Variants in SLC39A11 observed in about 807,000 individuals in gnomAD.
SLC39A11 encodes solute carrier family 39 member 11.
In SLC39A11, 33 loss-of-function variants were observed where a neutral mutation model predicts 36.1. The observed-to-expected ratio is 0.91, with a 90% CI of 0.69 to 1.22. SLC39A11 has a LOEUF of 1.22. SLC39A11 is among the 50% of genes most tolerant of loss of function. The pLI, the probability that SLC39A11 is intolerant of heterozygous loss-of-function variation, is 0.00. For missense variants in SLC39A11, 432 were observed against 430.3 expected (o/e 1.00, Z -0.03); for synonymous variants, 166 against 170.3 (o/e 0.97, Z 0.20).
rs1014073539 is a variant in SLC39A11 at position 72,678,344 on chromosome 17, G to C, written c.672-29076C>G. ...TACCTTCCCTGTGAACAGCGAGAAG[G>C]AGGGTACTAAAGAAATGTGTAAGAG... On this transcript the variant is annotated intron_variant, in intron 7 of 9. Coordinates refer to ENST00000255559, the MANE Select transcript of SLC39A11 (RefSeq NM_139177.4). 2.6e-5 allele frequency among the ~76,000 whole-genome samples: 4 copies of C among 152,172 alleles called. No individual in the cohort carries two copies. In the East Asian group the frequency reaches 7.7e-4, roughly 29 times the overall value.
At chr17:72,822,497 G>A (rs572389860) in intron 6 of SLC39A11, among the ~76,000 whole-genome samples, 4 of 150,894 alleles carry the variant, frequency 2.7e-5, no homozygotes, top group African/African-American at 9.7e-5. Flanking sequence ...GGTCTGGAGG[G>A]CCTATGCCCT....
chr17:72,909,828 C>T (rs908846628), intron 5 of SLC39A11, among the ~76,000 whole-genome samples: 7 of 151,494 alleles, frequency 4.6e-5, no homozygotes, highest in Admixed American at 4.6e-4. Flanking sequence ...TCACTGCAAC[C>T]TCCGCTTCCC....
At chr17:72,928,956 G>A (rs1407888926) in intron 5 of SLC39A11, among the ~76,000 whole-genome samples, 1 of 152,226 alleles carries the variant, frequency 6.6e-6, no homozygotes, top group African/African-American at 2.4e-5. Context: ...TTAAATGCCT[G>A]TGAACCCGCA....
intron 5 of SLC39A11, among the ~76,000 whole-genome samples, chr17:72,892,105 T>C (rs2081778831): frequency 6.6e-6 from 1 of 152,164 alleles, no homozygotes. Flanking sequence ...ACATTAATAA[T>C]TTCTTGTCTA....
At chr17:72,800,826 C>G (rs1328757603) in intron 6 of SLC39A11, among the ~76,000 whole-genome samples, 1 of 152,068 alleles carries the variant, frequency 6.6e-6, no homozygotes, top group Admixed American at 6.6e-5. Flanking sequence ...TGCTCCAAGT[C>G]AGTTCTATTA....
intron 7 of SLC39A11, among the ~76,000 whole-genome samples, chr17:72,734,635 C>T (rs1333293262): frequency 6.6e-6 from 1 of 152,232 alleles, no homozygotes; most frequent in Admixed American, 6.5e-5. Context: ...GCTCCACTTT[C>T]TTCCAAAATA....
chr17:73,055,648 G>C (rs1437322021), intron 3 of SLC39A11, among the ~76,000 whole-genome samples: 1 of 151,922 alleles, frequency 6.6e-6, no homozygotes, highest in African/African-American at 2.4e-5. Context: ...GAGGGGCAGG[G>C]GTGGAGGGGA....
At chr17:73,049,397 C>T (rs138864069) in intron 3 of SLC39A11, among the ~76,000 whole-genome samples, 216 of 151,706 alleles carry the variant, frequency 1.4e-3, no homozygotes, top group African/African-American at 4.9e-3. Flanking sequence ...AGCAGCTGGG[C>T]GGACGCGCCT....
intron 4 of SLC39A11, 139 bp downstream of exon 4, chr17:73,031,417 A>C: frequency 1.1e-6 from 1 of 886,506 alleles, no homozygotes; most frequent in Non-Finnish European, 1.7e-6. Flanking sequence ...CAGTTCCTCT[A>C]ATGCCTTGTT....
At chr17:72,935,377 G>A (rs2084679249) in intron 5 of SLC39A11, among the ~76,000 whole-genome samples, 1 of 152,134 alleles carries the variant, frequency 6.6e-6, no homozygotes, top group Non-Finnish European at 1.5e-5. Context: ...GGGAAACAGG[G>A]ATAGGTTGAG....
chr17:72,917,211 T>A (rs945557544), intron 5 of SLC39A11, among the ~76,000 whole-genome samples: 14 of 152,194 alleles, frequency 9.2e-5, no homozygotes, highest in African/African-American at 3.4e-4. Context: ...TAACACACAC[T>A]CTCTTCTCCA....
intron 6 of SLC39A11, among the ~76,000 whole-genome samples, chr17:72,751,220 C>G (rs2144324471): frequency 6.6e-6 from 1 of 152,284 alleles, no homozygotes; most frequent in African/African-American, 2.4e-5. Context: ...TGTACTCCAG[C>G]CTGGGCGACA....
chr17:72,764,368 G>C (rs986528151), intron 6 of SLC39A11, among the ~76,000 whole-genome samples: 3 of 152,160 alleles, frequency 2.0e-5, no homozygotes, highest in African/African-American at 7.2e-5. Flanking sequence ...TCTGTGCTTG[G>C]CAAGGACACA....
intron 5 of SLC39A11, among the ~76,000 whole-genome samples, chr17:72,852,208 A>AAAAAAAAAAAAAAC (rs2079377349): frequency 8.2e-6 from 1 of 121,474 alleles, no homozygotes; most frequent in Non-Finnish European, 1.7e-5. Flanking sequence ...CCGTCTCAAA[A>AAAAAAAAAAAAAAC]AAAAAAAAAA....
intron 6 of SLC39A11, among the ~76,000 whole-genome samples, chr17:72,741,152 C>G (rs2074680748): frequency 6.6e-6 from 1 of 152,182 alleles, no homozygotes; most frequent in South Asian, 2.1e-4. Context: ...AAAATTGTTA[C>G]AGTAGTACAG....
chr17:73,066,472 T>TC (rs2059999659), intron 3 of SLC39A11, among the ~76,000 whole-genome samples: 1 of 152,186 alleles, frequency 6.6e-6, no homozygotes, highest in African/African-American at 2.4e-5. Flanking sequence ...CCATTACACC[T>TC]CCTTGGCAAA....
chr17:73,029,605 A>G (rs1361855085), intron 4 of SLC39A11, among the ~76,000 whole-genome samples: 2 of 151,074 alleles, frequency 1.3e-5, no homozygotes, highest in African/African-American at 4.9e-5. Context: ...TTTTTGAGAC[A>G]GGGTCTTGCT....
At chr17:72,794,608 C>G (rs1030249389) in intron 6 of SLC39A11, among the ~76,000 whole-genome samples, 1 of 151,986 alleles carries the variant, frequency 6.6e-6, no homozygotes, top group Non-Finnish European at 1.5e-5. Flanking sequence ...TCCAGTCCTC[C>G]CTTCTTTTCC....
chr17:73,028,897 C>G (rs2058650675), intron 4 of SLC39A11, among the ~76,000 whole-genome samples: 1 of 151,540 alleles, frequency 6.6e-6, no homozygotes, highest in African/African-American at 2.4e-5. Context: ...GTGGGAGGAT[C>G]ACTTGAGGTC....
Sources: allele counts gnomAD v4.1 joint callset (sites outside exome capture counted in the v4.1 genomes callset), GRCh38; gene constraint gnomAD v4.1.1; transcripts MANE v1.5; gene names NCBI Gene and HGNC (gene_info 2026-07-23, HGNC 2026-07-21).